The following JHY variants were observed in gnomAD, a reference collection of about 807,000 sequenced individuals.
The protein encoded by JHY is jhy protein homolog.
Under a neutral mutation model 78.0 loss-of-function variants are expected in JHY, and 69 were observed. The ratio of observed to expected loss-of-function variants is 0.88; its 90% confidence interval spans 0.73 to 1.08. JHY has a LOEUF of 1.08. JHY is among the 50% of genes least tolerant of loss of function. JHY has a pLI of 0.00. For missense variants in JHY, 944 were observed against 927.8 expected (o/e 1.02, Z -0.23); for synonymous variants, 368 against 342.6 (o/e 1.07, Z -0.82).
At chr11:122,929,248 T>TG (rs1863586393) in intron 4 of JHY, among the ~76,000 whole-genome samples, 1 of 151,912 alleles carries the variant, frequency 6.6e-6, no homozygotes, top group Non-Finnish European at 1.5e-5. Context: ...TTGTTTTTTT[T>TG]TTTTTTTAAA....
At chr11:122,899,229 C>G (rs1220896170) in intron 2 of JHY, among the ~76,000 whole-genome samples, 1 of 152,178 alleles carries the variant, frequency 6.6e-6, no homozygotes, top group Non-Finnish European at 1.5e-5. Flanking sequence ...AAATAAATAC[C>G]TGCTGAATCA....
chr11:122,936,561 A>G (rs1021132651), intron 5 of JHY, among the ~76,000 whole-genome samples: 1 of 152,172 alleles, frequency 6.6e-6, no homozygotes, highest in Non-Finnish European at 1.5e-5. Context: ...AACTTCTATC[A>G]TAAACGAGTA....
intron 3 of JHY, among the ~76,000 whole-genome samples, chr11:122,907,923 TG>T (rs1207975145): frequency 6.6e-6 from 1 of 152,044 alleles, no homozygotes; most frequent in Non-Finnish European, 1.5e-5. Context: ...TTTTCTTTTT[TG>T]TTTTTTTTAT....
At chr11:122,889,091 A>G (rs945847572) in intron 2 of JHY, among the ~76,000 whole-genome samples, 1 of 152,206 alleles carries the variant, frequency 6.6e-6, no homozygotes, top group Non-Finnish European at 1.5e-5. Flanking sequence ...CCTGCAAGTT[A>G]CCAGTCCTCA....
chr11:122,952,343 G>A (rs1420059467), intron 6 of JHY, among the ~76,000 whole-genome samples: 1 of 152,102 alleles, frequency 6.6e-6, no homozygotes, highest in Non-Finnish European at 1.5e-5. Flanking sequence ...GACTTTTGAT[G>A]GAGAGAGATC....
At position 122,885,787 on chromosome 11, in the gene JHY, AAATATC is replaced by A; in HGVS notation, c.-61_-56del. 7.6e-7 allele frequency: 1 copy of A among 1,312,678 alleles called. No homozygotes were observed. The highest frequency in any genetic ancestry group is 1.1e-6 in the Non-Finnish European group (1 of 947,144). 81.3% of individuals were successfully genotyped at this position (1,312,678 alleles called of 1,614,324 possible). ...TAACGCTTTTGTGAACCACAACTTTAAATATCAGCCAGCTGCTCCTATCAACACGAG... is the reference window on the plus strand; with the variant it reads ...TAACGCTTTTGTGAACCACAACTTTAAGCCAGCTGCTCCTATCAACACGAG... On this transcript the variant is annotated 5_prime_UTR_variant, in exon 2 of 9. Coordinates refer to ENST00000227349, the MANE Select transcript of JHY (RefSeq NM_024806.4).
chr11:122,943,982 G>A (rs963734702), intron 5 of JHY, among the ~76,000 whole-genome samples: 2 of 152,158 alleles, frequency 1.3e-5, no homozygotes, highest in African/African-American at 4.8e-5. Context: ...GAGAAGGGAG[G>A]ATTGCTTGAG....
Position 122,885,763 on chromosome 11 carries a change from A to G in JHY, c.-87A>G. ...AACATAAATATATTTTTTTTCAGGT[A>G]ACGCTTTTGTGAACCACAACTTTAA... is the stretch of plus-strand genomic sequence containing the variant. On this transcript the variant is annotated splice_region_variant and 5_prime_UTR_variant, in exon 2 of 9. Coordinates refer to ENST00000227349, the MANE Select transcript of JHY (RefSeq NM_024806.4). 9.9e-7 allele frequency: 1 copy of G among 1,007,616 alleles called. No individual in the cohort carries two copies. The highest frequency in any genetic ancestry group is 1.6e-5 in the South Asian group (1 of 61,214). The allele number at this position is 1,007,616 out of a possible 1,614,324, so 62.4% of individuals were successfully genotyped here.
intron 6 of JHY, among the ~76,000 whole-genome samples, chr11:122,950,813 G>A (rs746449760): frequency 1.4e-4 from 22 of 152,290 alleles, no homozygotes; most frequent in Non-Finnish European, 2.9e-4. Flanking sequence ...AAATCTAAGC[G>A]CATGGGAGGT....
At chr11:122,956,063 C>G (rs1402217681) in intron 6 of JHY, among the ~76,000 whole-genome samples, 1 of 151,672 alleles carries the variant, frequency 6.6e-6, no homozygotes, top group Non-Finnish European at 1.5e-5. Flanking sequence ...CCCAGCGACT[C>G]AAGAGGCTGA....
At chr11:122,941,633 A>G (rs1863876005) in intron 5 of JHY, among the ~76,000 whole-genome samples, 1 of 152,232 alleles carries the variant, frequency 6.6e-6, no homozygotes, top group Non-Finnish European at 1.5e-5. Context: ...TTCTCTTGGT[A>G]GAGGTAATCA....
intron 5 of JHY, among the ~76,000 whole-genome samples, chr11:122,937,252 T>A (rs1313904609): frequency 6.6e-6 from 1 of 151,548 alleles, no homozygotes; most frequent in East Asian, 1.9e-4. Context: ...CTTTTTTTTT[T>A]TTTTTAATTT....
chr11:122,914,540 G>T, intron 3 of JHY, among the ~76,000 whole-genome samples: 1 of 152,066 alleles, frequency 6.6e-6, no homozygotes, highest in East Asian at 1.9e-4. Context: ...CGCTTCCCTG[G>T]TTCAAGCGAT....
At position 122,910,481 on chromosome 11, in the gene JHY, A is replaced by AC. The variant is rs78701664; in HGVS notation, c.864+6037_864+6038insC. ...TGAGATTCTTGTCTCCAAAAAAAAA[A>AC]ACCAAAAAACAGTGGAAAGGAATAA... On this transcript the variant is annotated intron_variant, in intron 3 of 8. Transcript: ENST00000227349. Among the ~76,000 whole-genome samples, 16 of 151,904 alleles carry AC rather than the reference A, an allele frequency of 1.1e-4. No homozygotes were observed. In the East Asian group the frequency reaches 2.5e-3, roughly 24 times the overall value.
At chr11:122,903,534 A>G (rs1374125553) in intron 2 of JHY, among the ~76,000 whole-genome samples, 1 of 152,178 alleles carries the variant, frequency 6.6e-6, no homozygotes, top group African/African-American at 2.4e-5. Flanking sequence ...GCTGGAGTGC[A>G]GTGTCGTGAT....
chr11:122,891,102 T>C (rs940578228), intron 2 of JHY, among the ~76,000 whole-genome samples: 3 of 152,194 alleles, frequency 2.0e-5, no homozygotes, highest in East Asian at 1.9e-4. Context: ...ACTCTCAATA[T>C]GAAATTCAAG....
intron 5 of JHY, among the ~76,000 whole-genome samples, chr11:122,937,497 T>C (rs114287125): frequency 6.6e-6 from 1 of 152,296 alleles, no homozygotes; most frequent in African/African-American, 2.4e-5. Context: ...CCTTTGCCTT[T>C]CTTCTGATAG....
In JHY at chr11:122,904,400, C is replaced by A. The variant is rs777542054; in HGVS notation, c.820C>A (p.Leu274Ile). The A allele has an allele frequency of 6.2e-7, 1 of 1,613,732 alleles. No homozygotes were observed. The highest frequency in any genetic ancestry group is 1.7e-5 in the Admixed American group (1 of 59,964). Residue 274 changes from leucine to isoleucine, a missense_variant, in exon 3 of 9, where the codon CTT becomes ATT. Physicochemically the swap from Leu to Ile is conservative, Grantham distance 5. Transcript: ENST00000227349. ...ACCCACCCCGAAAACGGACTCTTAT[C>A]TTCAACTTCACAATAAAAAAAGAGG... Reference protein sequence around the residue: ...GLPTPKTDSYLQLHNKKRGES... With the variant: ...GLPTPKTDSYIQLHNKKRGES...
chr11:122,924,747 C>G, intron 3 of JHY, 150 bp from the exon 4 acceptor site: 1 of 594,186 alleles, frequency 1.7e-6, no homozygotes, highest in Non-Finnish European at 3.0e-6. Flanking sequence ...CAATCAGGTC[C>G]CTGAGGACTG....
Sources: gnomAD v4.1 joint callset for allele counts (sites outside exome capture counted in the v4.1 genomes callset) on GRCh38, gnomAD v4.1.1 for gene constraint, MANE v1.5 for transcripts, NCBI Gene and HGNC (gene_info 2026-07-23, HGNC 2026-07-21) for gene names.